Variants in RSRC1 observed in about 807,000 individuals in gnomAD.
The protein encoded by RSRC1 is serine/Arginine-related protein 53.
Under a neutral mutation model 49.1 loss-of-function variants are expected in RSRC1, and 39 were observed. That is an observed-to-expected ratio of 0.79 (90% CI 0.61 to 1.04). The LOEUF (loss-of-function observed/expected upper bound fraction) is 1.04, where lower values mean the gene tolerates loss of function less well. Among genes scored for constraint, RSRC1 ranks in the 50% least tolerant of loss-of-function variants. The pLI, the probability that RSRC1 is intolerant of heterozygous loss-of-function variation, is 0.00. For synonymous variants in RSRC1, 143 were observed against 130.8 expected (o/e 1.09, Z -0.63); for missense variants, 388 against 402.4 (o/e 0.96, Z 0.31).
intron 3 of RSRC1, among the ~76,000 whole-genome samples, chr3:158,163,929 G>A (rs1000307494): frequency 6.6e-6 from 1 of 152,080 alleles, no homozygotes; most frequent in Non-Finnish European, 1.5e-5. Context: ...TGCTATAAAA[G>A]ATATGAGATC....
chr3:158,147,812 G>A (rs572184897), intron 3 of RSRC1, among the ~76,000 whole-genome samples: 1 of 152,294 alleles, frequency 6.6e-6, no homozygotes, highest in South Asian at 2.1e-4. Flanking sequence ...TAATCTGGCT[G>A]TGTAGGGAAT....
At chr3:158,172,102 T>C (rs543805266) in intron 3 of RSRC1, among the ~76,000 whole-genome samples, 1 of 152,270 alleles carries the variant, frequency 6.6e-6, no homozygotes, top group Non-Finnish European at 1.5e-5. Flanking sequence ...ATGTGTGTAA[T>C]TAGAGTTTCA....
intron 7 of RSRC1, among the ~76,000 whole-genome samples, chr3:158,489,698 A>G (rs529883518): frequency 1.3e-5 from 2 of 152,292 alleles, no homozygotes; most frequent in African/African-American, 4.8e-5. Context: ...TGGTTGAGTT[A>G]TTAACCTAGG....
At chr3:158,331,024 A>C (rs143907973) in intron 5 of RSRC1, among the ~76,000 whole-genome samples, 18 of 152,250 alleles carry the variant, frequency 1.2e-4, no homozygotes, top group African/African-American at 3.1e-4. Context: ...TGTGCAGGGG[A>C]ATTCCCCTTT....
intron 5 of RSRC1, among the ~76,000 whole-genome samples, chr3:158,312,321 G>C (rs924938133): frequency 1.3e-5 from 2 of 152,070 alleles, no homozygotes; most frequent in Non-Finnish European, 2.9e-5. Context: ...CAGCCAAGCA[G>C]AGCATGAGTA....
chr3:158,138,408 G>A (rs1017102247), intron 3 of RSRC1, among the ~76,000 whole-genome samples: 8 of 152,140 alleles, frequency 5.3e-5, no homozygotes, highest in African/African-American at 1.7e-4. Flanking sequence ...CAAATTTCTT[G>A]CTATTTCTTG....
chr3:158,317,032 G>A (rs1208341523), intron 5 of RSRC1, among the ~76,000 whole-genome samples: 2 of 152,130 alleles, frequency 1.3e-5, no homozygotes, highest in Admixed American at 1.3e-4. Context: ...CAAGGCTATT[G>A]CCATGACATT....
intron 3 of RSRC1, among the ~76,000 whole-genome samples, chr3:158,146,257 C>T (rs536181219): frequency 6.6e-6 from 1 of 152,130 alleles, no homozygotes; most frequent in Non-Finnish European, 1.5e-5. Context: ...ATGATATTGG[C>T]TGTGGGTTTG....
chr3:158,439,704 A>T (rs1412895068), intron 6 of RSRC1, among the ~76,000 whole-genome samples: 1 of 152,150 alleles, frequency 6.6e-6, no homozygotes, highest in East Asian at 1.9e-4. Flanking sequence ...TAGGAGAAAT[A>T]CCTGATGTAA....
At chr3:158,204,391 AC>A (rs1377510680) in intron 4 of RSRC1, among the ~76,000 whole-genome samples, 2 of 152,190 alleles carry the variant, frequency 1.3e-5, no homozygotes, top group Non-Finnish European at 2.9e-5. Flanking sequence ...TCATCCCACA[AC>A]CATTAATGTA....
Position 158,201,024 on chromosome 3 carries a change from A to G in RSRC1, c.321-2048A>G, listed in dbSNP as rs533500787. On this transcript the variant is annotated intron_variant, in intron 3 of 9. Coordinates refer to ENST00000611884, the MANE Select transcript of RSRC1 (RefSeq NM_001271838.2). Reference sequence around the variant, plus strand: ...GCCTGAAGAACTTTCTTTAGTATTTATTGTAATGCAAGTCTTCTGTTGATA... The same window carrying G: ...GCCTGAAGAACTTTCTTTAGTATTTGTTGTAATGCAAGTCTTCTGTTGATA... Among the ~76,000 whole-genome samples the G allele has an allele frequency of 1.6e-4, 25 of 152,118 alleles. No homozygotes were observed. The South Asian group carries it at 5.0e-3, about 30-fold the overall frequency.
intron 4 of RSRC1, among the ~76,000 whole-genome samples, chr3:158,281,773 G>C (rs1218648732): frequency 6.6e-6 from 1 of 152,192 alleles, no homozygotes; most frequent in Non-Finnish European, 1.5e-5. Context: ...TAACATGGGG[G>C]AACCACTGAT....
chr3:158,498,015 G>A (rs1436651789), intron 7 of RSRC1, among the ~76,000 whole-genome samples: 9 of 152,078 alleles, frequency 5.9e-5, no homozygotes, highest in Admixed American at 5.2e-4. Flanking sequence ...TATGAATTGT[G>A]CTGCTATAAA....
At chr3:158,199,522 T>A (rs957509886) in intron 3 of RSRC1, among the ~76,000 whole-genome samples, 5 of 152,196 alleles carry the variant, frequency 3.3e-5, no homozygotes, top group South Asian at 4.1e-4. Context: ...ATTTTTCTCT[T>A]TAATGTTTCC....
chr3:158,421,780 G>A (rs554775181), intron 6 of RSRC1, among the ~76,000 whole-genome samples: 3 of 151,798 alleles, frequency 2.0e-5, no homozygotes, highest in Non-Finnish European at 4.4e-5. Context: ...AATTGGACCC[G>A]AATTTTAAAA....
intron 3 of RSRC1, among the ~76,000 whole-genome samples, chr3:158,192,506 G>A (rs1458832267): frequency 6.6e-6 from 1 of 152,062 alleles, no homozygotes; most frequent in Non-Finnish European, 1.5e-5. Flanking sequence ...TAAGGTGGGA[G>A]AAGTAGAAGA....
intron 4 of RSRC1, among the ~76,000 whole-genome samples, chr3:158,272,736 A>G (rs561538069): frequency 9.9e-5 from 15 of 152,188 alleles, no homozygotes; most frequent in Admixed American, 2.6e-4. Context: ...TAAATTTAAT[A>G]GCTTTTATTT....
intron 4 of RSRC1, among the ~76,000 whole-genome samples, chr3:158,267,858 C>CTTT (rs377128391): frequency 0.038 from 3,454 of 90,686 alleles, 120 homozygotes; most frequent in African/African-American, 0.063. Flanking sequence ...GTTTCCATAT[C>CTTT]TATTTTTTTT....
chr3:158,384,888 A>G (rs1201915673), intron 6 of RSRC1, among the ~76,000 whole-genome samples: 1 of 152,130 alleles, frequency 6.6e-6, no homozygotes, highest in Non-Finnish European at 1.5e-5. Context: ...GGAGGAGGGC[A>G]AAGAGTGGGC....
Sources: gnomAD v4.1 joint callset for allele counts (sites outside exome capture counted in the v4.1 genomes callset) on GRCh38, gnomAD v4.1.1 for gene constraint, MANE v1.5 for transcripts, NCBI Gene and HGNC (gene_info 2026-07-23, HGNC 2026-07-21) for gene names.